The following FANCA variants were observed in gnomAD, a reference collection of about 807,000 sequenced individuals.
The protein encoded by FANCA is FA complementation group A.
Under a neutral mutation model 194.3 loss-of-function variants are expected in FANCA, and 236 were observed. That is an observed-to-expected ratio of 1.21 (90% CI 1.09 to 1.35). The LOEUF (loss-of-function observed/expected upper bound fraction) is 1.35, where lower values mean the gene tolerates loss of function less well. Ranked by LOEUF, FANCA falls within the 40% of genes most tolerant of loss-of-function variation. The pLI is 0.00. For synonymous variants in FANCA, 1,014 were observed against 715.8 expected (o/e 1.42, Z -6.65); for missense variants, 2,628 against 1,813.9 (o/e 1.45, Z -8.15).
chr16:89,738,766 G>A, intron 42 of FANCA, 58 bp from the exon 43 acceptor site: 1 of 1,612,610 alleles, frequency 6.2e-7, no homozygotes, highest in Non-Finnish European at 8.5e-7. Context: ...AGACCACAGG[G>A]GAGGGGCTCT....
intron 15 of FANCA, among the ~76,000 whole-genome samples, 187 bp from the exon 16 acceptor site, chr16:89,783,289 A>G (rs2039784316): frequency 6.6e-6 from 1 of 152,090 alleles, no homozygotes; most frequent in African/African-American, 2.4e-5. Context: ...AGCGGCTTAC[A>G]CCTGTAATCC....
intron 38 of FANCA, 130 bp from the exon 39 acceptor site, chr16:89,740,229 T>G: frequency 1.2e-6 from 1 of 829,050 alleles, no homozygotes; most frequent in East Asian, 2.4e-5. Context: ...TGGTGACAGT[T>G]TTACCTATAG....
intron 13 of FANCA, 101 bp from the exon 14 acceptor site, chr16:89,791,637 G>C: frequency 1.3e-6 from 2 of 1,510,422 alleles, no homozygotes; most frequent in Non-Finnish European, 1.8e-6. Context: ...AGGAGACTGT[G>C]CACACCCAAA....
intron 31 of FANCA, among the ~76,000 whole-genome samples, chr16:89,751,818 T>G (rs2038602979): frequency 6.6e-6 from 1 of 151,758 alleles, no homozygotes; most frequent in Middle Eastern, 3.2e-3. Context: ...CCGCCCAGGC[T>G]GGAGTGCAGT....
chr16:89,752,019 C>T lies in FANCA; in HGVS notation c.3066+119G>A, dbSNP rs866280314. On this transcript the variant is annotated intron_variant, in intron 31 of 42. Coordinates refer to ENST00000389301, the MANE Select transcript of FANCA (RefSeq NM_000135.4). ...TCTCCTGACTGTGTGATCCGCCTGC[C>T]TCGGCCTCCCAAAGTTCTGGGATTA... The T allele has an allele frequency of 4.7e-6, 4 of 851,060 alleles. No individual in the cohort carries two copies. The Admixed American group carries it at 6.8e-5, about 14-fold the overall frequency. 52.7% of individuals were successfully genotyped at this position (851,060 alleles called of 1,614,324 possible).
At chr16:89,806,547 G>A (rs1365951247) in intron 6 of FANCA, among the ~76,000 whole-genome samples, 1 of 151,506 alleles carries the variant, frequency 6.6e-6, no homozygotes, top group Admixed American at 6.6e-5. Flanking sequence ...GAGTGGTGAT[G>A]ACTCTTAACG....
At chr16:89,813,757 G>C (rs935253570) in intron 3 of FANCA, among the ~76,000 whole-genome samples, 7 of 151,648 alleles carry the variant, frequency 4.6e-5, no homozygotes, top group African/African-American at 1.2e-4. Flanking sequence ...CTAGTCATTT[G>C]TTTCCAATGT....
chr16:89,768,885 A>G (rs539133088), intron 26 of FANCA, among the ~76,000 whole-genome samples: 5 of 150,772 alleles, frequency 3.3e-5, no homozygotes, highest in African/African-American at 9.8e-5. Flanking sequence ...CAACTTCTCC[A>G]TTGGCTGTGT....
Position 89,775,758 on chromosome 16 carries a change from A to G in FANCA, c.1884T>C (p.Ala628=), listed in dbSNP as rs200686934. The change falls in exon 21 of 43, where the codon GCT becomes GCC. Residue 628 remains alanine (A), a synonymous_variant. Coordinates refer to ENST00000389301, the MANE Select transcript of FANCA (RefSeq NM_000135.4). ...GGAACTTACCTTCTGGCTTCTCTTC[A>G]GCAGCAGAGCAGGCCTGGCAGTAGG... ...YSTYCQACSA[A]EEKPEDAALG... is the part of the protein sequence containing the mutation. 2 of 1,612,562 alleles carry G rather than the reference A, an allele frequency of 1.2e-6. No individual in the cohort carries two copies. The highest frequency in any genetic ancestry group is 2.2e-5 in the East Asian group (1 of 44,870).
In FANCA at chr16:89,799,183, G is replaced by C. The variant is rs527897404; in HGVS notation, c.876C>G (p.His292Gln). 7.4e-6 allele frequency: 12 copies of C among 1,614,046 alleles called. 1 individual carries two copies. The highest frequency in any genetic ancestry group is 2.2e-5 in the East Asian group (1 of 44,896). The change falls in exon 10 of 43, where the codon CAC becomes CAG. Residue 292 changes from histidine to glutamine, a missense_variant. Coordinates refer to ENST00000389301, the MANE Select transcript of FANCA (RefSeq NM_000135.4). ...GAACATACCAGCACCTCACGATCTT[G>C]TGAGTGGAGGACTCCTCCTGTACTC... is the stretch of plus-strand genomic sequence containing the variant. Reference protein sequence around the residue: ...AAGVQEESSTHKIVRCWFGVF... With the variant: ...AAGVQEESSTQKIVRCWFGVF...
chr16:89,778,592 C>T (rs1163276063), intron 20 of FANCA: 2 of 531,470 alleles, frequency 3.8e-6, no homozygotes, highest in South Asian at 4.2e-5. Context: ...CTCGCCTCTG[C>T]ACTCCAAGCC....
chr16:89,740,118 C>T lies in FANCA; in HGVS notation c.3829-19G>A. ...TGGTGCTCTGTAAACCGCAGGAGAC[C>T]AACCCTGAGAATGGCCGACCTGGTG... On this transcript the variant is annotated intron_variant, in intron 38 of 42. Transcript: ENST00000389301. 1 of 1,607,936 alleles carries T rather than the reference C, an allele frequency of 6.2e-7. No individual in the cohort carries two copies. Among genetic ancestry groups the T allele is most frequent in the Non-Finnish European group, 8.5e-7 (1 of 1,174,686 alleles).
At position 89,746,835 on chromosome 16, in the gene FANCA, A is replaced by C. The variant is rs2143108985; in HGVS notation, c.3404T>G (p.Phe1135Cys). The part of the protein sequence containing the change: ...ALTQDITAHF[F>C]RGLLNACLRS... ...GGGGCTGAGGGAGCATCTCACCCTGAAGAAGTGGGCAGTGATGTCCTGTGT... is the reference window on the plus strand; with the variant it reads ...GGGGCTGAGGGAGCATCTCACCCTGCAGAAGTGGGCAGTGATGTCCTGTGT... The change falls in exon 34 of 43, where the codon TTC becomes TGC. Residue 1135 changes from phenylalanine to cysteine, a missense_variant. Physicochemically the swap from Phe to Cys is radical, Grantham distance 205. Transcript: ENST00000389301. 1 of 1,565,464 alleles carries C rather than the reference A, an allele frequency of 6.4e-7. No individual in the cohort carries two copies.
chr16:89,813,969 A>G (rs1474913209), intron 3 of FANCA, among the ~76,000 whole-genome samples: 1 of 152,236 alleles, frequency 6.6e-6, no homozygotes, highest in East Asian at 1.9e-4. Flanking sequence ...GTGAAATTCA[A>G]ATACAATCAT....
chr16:89,810,359 C>T (rs940528396), intron 5 of FANCA, among the ~76,000 whole-genome samples: 8 of 151,008 alleles, frequency 5.3e-5, no homozygotes, highest in East Asian at 1.9e-4. Flanking sequence ...GGCAACAAGG[C>T]GAGACCCTGT....
chr16:89,782,241 G>A (rs1253354637), intron 17 of FANCA, among the ~76,000 whole-genome samples: 5 of 152,138 alleles, frequency 3.3e-5, no homozygotes, highest in Admixed American at 3.3e-4. Context: ...GCCAGGCGTG[G>A]TGGCGGGCGC....
chr16:89,754,078 T>C (rs1408480753), intron 30 of FANCA, among the ~76,000 whole-genome samples: 1 of 151,426 alleles, frequency 6.6e-6, no homozygotes, highest in Non-Finnish European at 1.5e-5. Flanking sequence ...AAAAATTAGC[T>C]GGGCATGGTG....
At chr16:89,800,282 G>T (rs1462718854) in intron 8 of FANCA, among the ~76,000 whole-genome samples, 1 of 152,246 alleles carries the variant, frequency 6.6e-6, no homozygotes, top group East Asian at 1.9e-4. Context: ...TCTGGAGCCA[G>T]AAGACGGTGA....
Position 89,738,867 on chromosome 16 carries a change from G to A in FANCA, c.4260+15C>T, listed in dbSNP as rs775643194. 2 of 1,614,112 alleles carry A rather than the reference G, an allele frequency of 1.2e-6. No individual in the cohort carries two copies. Among genetic ancestry groups the A allele is most frequent in the Non-Finnish European group, 1.7e-6 (2 of 1,180,048 alleles). On this transcript the variant is annotated intron_variant, in intron 42 of 42. Coordinates refer to ENST00000389301, the MANE Select transcript of FANCA (RefSeq NM_000135.4). Reference sequence around the variant, plus strand: ...ATGTCCCCCACATGGCCCAAGGTGGGCATCTTGACGTTACCTCTGCCACGT... The same window carrying A: ...ATGTCCCCCACATGGCCCAAGGTGGACATCTTGACGTTACCTCTGCCACGT...
Sources: allele counts gnomAD v4.1 joint callset (sites outside exome capture counted in the v4.1 genomes callset), GRCh38; gene constraint gnomAD v4.1.1; transcripts MANE v1.5; gene names NCBI Gene and HGNC (gene_info 2026-07-23, HGNC 2026-07-21).